The following FMN1 variants were observed in gnomAD, a reference collection of about 807,000 sequenced individuals.
FMN1 encodes the protein formin-1.
In FMN1, 110 loss-of-function variants were observed where a neutral mutation model predicts 132.4. That is an observed-to-expected ratio of 0.83 (90% CI 0.71 to 0.97). The LOEUF (loss-of-function observed/expected upper bound fraction) is 0.97. FMN1 is among the 50% of genes least tolerant of loss of function. FMN1 has a pLI of 0.00. For synonymous variants in FMN1, 722 were observed against 651.7 expected, an observed-to-expected ratio of 1.11 and a Z score of -1.64; for missense variants, 1,792 against 1,705.3, an observed-to-expected ratio of 1.05 and a Z score of -0.90.
At chr15:33,091,101 T>A (rs2038886091) in intron 4 of FMN1, among the ~76,000 whole-genome samples, 1 of 152,150 alleles carries the variant, frequency 6.6e-6, no homozygotes, top group Non-Finnish European at 1.5e-5. Flanking sequence ...CACAGAATAA[T>A]AAAACAATAT....
At chr15:32,835,149 G>A (rs988261898) in intron 17 of FMN1, among the ~76,000 whole-genome samples, 5 of 152,174 alleles carry the variant, frequency 3.3e-5, no homozygotes, top group South Asian at 2.1e-4. Flanking sequence ...AAGAGCTGGA[G>A]GAGAGGGCAG....
At chr15:33,028,669 T>A (rs1333494841) in intron 6 of FMN1, among the ~76,000 whole-genome samples, 7 of 152,222 alleles carry the variant, frequency 4.6e-5, no homozygotes, top group African/African-American at 1.7e-4. Flanking sequence ...GGATATCAGC[T>A]CATTTCATAG....
chr15:32,900,019 C>G lies in FMN1; in HGVS notation c.3614G>C (p.Ser1205Thr). ...CTTGAGTTTGGGCAGAATTTCTAAG[C>G]TATATCCATCGGCTTGTCCCCGAGT... Reference protein sequence around the residue: ...NRTRGQADGYSLEILPKLKDV... With the variant: ...NRTRGQADGYTLEILPKLKDV... The change falls in exon 14 of 21, where the codon AGC becomes ACC. Residue 1205 changes from serine to threonine, a missense_variant. By Grantham distance (58) the Ser-to-Thr change is moderately conservative (BLOSUM62 1). Coordinates refer to ENST00000616417, the MANE Select transcript of FMN1 (RefSeq NM_001277313.2). 1 of 1,613,978 alleles carries G rather than the reference C, an allele frequency of 6.2e-7. No homozygotes were observed.
chr15:33,110,784 TTC>T (rs36014543), intron 4 of FMN1, among the ~76,000 whole-genome samples: 12,587 of 152,142 alleles, frequency 0.083, 677 homozygotes, highest in Middle Eastern at 0.13. Context: ...TTTAGCCATT[TTC>T]TCTGTTATTA....
chr15:33,171,552 T>G (rs970827750), intron 3 of FMN1, among the ~76,000 whole-genome samples: 1 of 152,210 alleles, frequency 6.6e-6, no homozygotes. Flanking sequence ...ATGCCAACAT[T>G]TATAATATAA....
At chr15:33,129,360 T>A (rs955575134) in intron 4 of FMN1, among the ~76,000 whole-genome samples, 2 of 152,208 alleles carry the variant, frequency 1.3e-5, no homozygotes, top group South Asian at 2.1e-4. Context: ...GAAATAAATC[T>A]GAGGCTGGTG....
chr15:33,143,069 C>G (rs1217663605), intron 4 of FMN1, among the ~76,000 whole-genome samples: 1 of 152,102 alleles, frequency 6.6e-6, no homozygotes, highest in East Asian at 1.9e-4. Context: ...CTGGTAAAGC[C>G]AATCATATGT....
At chr15:33,123,409 A>G (rs1303836225) in intron 4 of FMN1, among the ~76,000 whole-genome samples, 1 of 152,172 alleles carries the variant, frequency 6.6e-6, no homozygotes, top group Non-Finnish European at 1.5e-5. Context: ...CTTGGTTCAA[A>G]CAATGTTTGT....
chr15:32,858,154 A>G (rs907647969), intron 16 of FMN1, among the ~76,000 whole-genome samples: 15 of 152,328 alleles, frequency 9.8e-5, no homozygotes, highest in Non-Finnish European at 1.3e-4. Flanking sequence ...ATTTTGGAAG[A>G]AGGAGGTTGG....
intron 19 of FMN1, among the ~76,000 whole-genome samples, chr15:32,798,434 A>T (rs916145073): frequency 5.3e-5 from 8 of 152,172 alleles, no homozygotes; most frequent in African/African-American, 1.7e-4. Flanking sequence ...TTAATGGGAA[A>T]AGCATTCACT....
intron 6 of FMN1, among the ~76,000 whole-genome samples, chr15:33,023,895 A>G (rs1316086418): frequency 1.3e-5 from 2 of 152,208 alleles, no homozygotes; most frequent in Non-Finnish European, 2.9e-5. Context: ...ACCATTCACA[A>G]GAATCACTTT....
Position 33,012,275 on chromosome 15 carries a change from T to C in FMN1, c.2162-4200A>G, listed in dbSNP as rs1028971469. 6 of 734,036 alleles carry C rather than the reference T, an allele frequency of 8.2e-6. No homozygotes were observed. In the African/African-American group the frequency reaches 1.0e-4, roughly 13 times the overall value. The allele number at this position is 734,036 out of a possible 1,614,324, so 45.5% of individuals were successfully genotyped here. On this transcript the variant is annotated intron_variant, in intron 6 of 20. Transcript: ENST00000616417. ...GTGGTAATGAGATCCAAACACCAGG[T>C]ATTCCAGAGGCTTTGGGTTTGTCTC...
chr15:33,128,444 T>G (rs1266136774), intron 4 of FMN1, among the ~76,000 whole-genome samples: 1 of 152,186 alleles, frequency 6.6e-6, no homozygotes, highest in Non-Finnish European at 1.5e-5. Context: ...TAAAAGAATT[T>G]TTATTCCTAT....
In FMN1 at chr15:32,919,376, C is replaced by G. The variant is rs73370880; in HGVS notation, c.3226+6798G>C. 6.6e-5 allele frequency among the ~76,000 whole-genome samples: 10 copies of G among 152,188 alleles called. No individual in the cohort carries two copies. The East Asian group carries it at 1.9e-3, about 29-fold the overall frequency. On this transcript the variant is annotated intron_variant, in intron 10 of 20. Coordinates refer to ENST00000616417, the MANE Select transcript of FMN1 (RefSeq NM_001277313.2). ...AAAACAAGGATAGCCAAATGGCACCCGCCAAGAAGTTGATCCCCATAAACA... is the reference window on the plus strand; with the variant it reads ...AAAACAAGGATAGCCAAATGGCACCGGCCAAGAAGTTGATCCCCATAAACA...
rs149337549 is a variant in FMN1 at position 33,080,751 on chromosome 15, G to A, written c.2043+8048C>T. 4.3e-3 allele frequency among the ~76,000 whole-genome samples: 649 copies of A among 152,236 alleles called. 5 individuals are homozygous for A. The highest frequency in any genetic ancestry group is 0.015 in the African/African-American group (629 of 41,514). On this transcript the variant is annotated intron_variant, in intron 5 of 20. Transcript: ENST00000616417. The stretch of plus-strand genomic sequence containing the variant: ...GTAATACTAAAATTAGCCGGGCATG[G>A]TGGCGCATGCCTGTAATCCCAGCTA...
At chr15:33,047,097 T>TC (rs2036722507) in intron 6 of FMN1, among the ~76,000 whole-genome samples, 1 of 152,248 alleles carries the variant, frequency 6.6e-6, no homozygotes, top group African/African-American at 2.4e-5. Flanking sequence ...TCTTTTGGTC[T>TC]CTGACATTTT....
At chr15:32,877,374 A>G (rs533457353) in intron 16 of FMN1, among the ~76,000 whole-genome samples, 2 of 152,240 alleles carry the variant, frequency 1.3e-5, no homozygotes, top group South Asian at 4.1e-4. Context: ...AGTCATTTAC[A>G]AAGAGAATAC....
intron 4 of FMN1, among the ~76,000 whole-genome samples, chr15:33,109,077 T>G (rs143760834): frequency 2.0e-4 from 30 of 151,528 alleles, no homozygotes; most frequent in Non-Finnish European, 3.4e-4. Context: ...TATAACCTAT[T>G]TCTTCTCCCA....
intron 12 of FMN1, among the ~76,000 whole-genome samples, chr15:32,905,721 G>T (rs532265179): frequency 2.6e-5 from 4 of 152,296 alleles, no homozygotes; most frequent in South Asian, 2.1e-4. Flanking sequence ...AAACTGCAAC[G>T]TTAAAACTAT....
Sources: allele counts gnomAD v4.1 joint callset (sites outside exome capture counted in the v4.1 genomes callset), GRCh38; gene constraint gnomAD v4.1.1; transcripts MANE v1.5; gene names NCBI Gene and HGNC (gene_info 2026-07-23, HGNC 2026-07-21).